NOVA1: variants seen among roughly 807,000 people sequenced by gnomAD.
NOVA1 encodes the protein NOVA alternative splicing regulator 1, also known as RNA-binding protein Nova-1.
Under a neutral mutation model 38.0 loss-of-function variants are expected in NOVA1, and 7 were observed. The ratio of observed to expected loss-of-function variants is 0.18; its 90% CI spans 0.10 to 0.35. NOVA1 has a LOEUF of 0.35. Ranked by LOEUF, NOVA1 falls within the 10% of genes least tolerant of loss-of-function variation. The pLI is 1.00. For missense variants in NOVA1, 460 were observed against 616.0 expected (o/e 0.75, Z 2.68); for synonymous variants, 270 against 232.5 (o/e 1.16, Z -1.47).
rs1213545640 is a variant in NOVA1 at position 26,598,018 on chromosome 14, C to T, written c.-582G>A. ...GCTGCTGGTGCTGCCGCCGCCGCCG[C>T]TGCCGGAGCGGTTCTGCCGTTGCCT... On this transcript the variant is annotated 5_prime_UTR_variant, in exon 1 of 5. Coordinates refer to ENST00000539517, the MANE Select transcript of NOVA1 (RefSeq NM_002515.3). Among the ~76,000 whole-genome samples, 2 of 150,036 alleles carry T rather than the reference C, an allele frequency of 1.3e-5. No homozygotes were observed. Among genetic ancestry groups the T allele is most frequent in the East Asian group, 4.1e-4 (2 of 4,932 alleles).
chr14:26,466,226 A>C (rs533521790), intron 4 of NOVA1, among the ~76,000 whole-genome samples: 1 of 152,228 alleles, frequency 6.6e-6, no homozygotes, highest in African/African-American at 2.4e-5. Context: ...CAGGAAATAA[A>C]GAGATTATGT....
At chr14:26,528,495 G>T (rs1889458691) in intron 2 of NOVA1, among the ~76,000 whole-genome samples, 2 of 152,184 alleles carry the variant, frequency 1.3e-5, no homozygotes, top group South Asian at 4.1e-4. Flanking sequence ...AATTGCTGCA[G>T]GGACTGATCA....
At chr14:26,564,256 G>A (rs1402936570) in intron 2 of NOVA1, among the ~76,000 whole-genome samples, 6 of 152,278 alleles carry the variant, frequency 3.9e-5, no homozygotes, top group Admixed American at 3.9e-4. Flanking sequence ...CTTCAGATTT[G>A]ATGAACTTGT....
At chr14:26,530,151 C>T (rs1047859827) in intron 2 of NOVA1, among the ~76,000 whole-genome samples, 2 of 152,282 alleles carry the variant, frequency 1.3e-5, no homozygotes, top group Admixed American at 6.5e-5. Flanking sequence ...ATCTCCTGAC[C>T]TCATGATCCG....
At chr14:26,562,335 T>C (rs1202092615) in intron 2 of NOVA1, among the ~76,000 whole-genome samples, 3 of 152,186 alleles carry the variant, frequency 2.0e-5, no homozygotes, top group African/African-American at 4.8e-5. Context: ...ATGCGTTTAA[T>C]GGGATTGGTT....
intron 4 of NOVA1, among the ~76,000 whole-genome samples, chr14:26,454,183 A>G (rs1369357983): frequency 6.6e-6 from 1 of 152,152 alleles, no homozygotes; most frequent in Non-Finnish European, 1.5e-5. Flanking sequence ...AAAAACAGAA[A>G]AGTTTTAAGA....
At chr14:26,491,594 T>C (rs1307695861) in intron 2 of NOVA1, among the ~76,000 whole-genome samples, 1 of 152,166 alleles carries the variant, frequency 6.6e-6, no homozygotes, top group East Asian at 1.9e-4. Flanking sequence ...ATTTAGGTTG[T>C]TGATCTATTT....
intron 2 of NOVA1, among the ~76,000 whole-genome samples, chr14:26,506,959 TTTTA>T (rs1336257072): frequency 2.0e-5 from 3 of 152,208 alleles, no homozygotes; most frequent in Non-Finnish European, 4.4e-5. Flanking sequence ...TCCAGAATGA[TTTTA>T]TTTAATCATT....
chr14:26,561,143 GGCGGA>G (rs1235686441), intron 2 of NOVA1, among the ~76,000 whole-genome samples: 2 of 152,130 alleles, frequency 1.3e-5, no homozygotes, highest in African/African-American at 4.8e-5. Flanking sequence ...TCTGACAGGA[GGCGGA>G]GCTCAGGTGG....
At chr14:26,506,315 T>G (rs178188) in intron 2 of NOVA1, among the ~76,000 whole-genome samples, 96,274 of 152,092 alleles carry the variant, frequency 0.63, 33,028 homozygotes, top group Non-Finnish European at 0.75. Flanking sequence ...TACTCCAGCA[T>G]ACCTTAGTGG....
At chr14:26,576,981 T>A (rs76167347) in intron 2 of NOVA1, among the ~76,000 whole-genome samples, 1 of 151,904 alleles carries the variant, frequency 6.6e-6, no homozygotes, top group Non-Finnish European at 1.5e-5. Flanking sequence ...CATAGCTGCA[T>A]GTTTGTACCT....
chr14:26,519,331 A>C (rs906443194), intron 2 of NOVA1: 3 of 152,178 alleles, frequency 2.0e-5, no homozygotes, highest in African/African-American at 7.2e-5. Context: ...AGCAATGGGA[A>C]AGGTGAGTAT....
intron 2 of NOVA1, among the ~76,000 whole-genome samples, chr14:26,484,304 C>T (rs951740974): frequency 5.9e-5 from 9 of 151,344 alleles, no homozygotes; most frequent in African/African-American, 1.5e-4. Context: ...GGCATGGTGG[C>T]GGGCACCTGT....
chr14:26,491,016 A>C (rs1275108993), intron 2 of NOVA1, among the ~76,000 whole-genome samples: 1 of 151,256 alleles, frequency 6.6e-6, no homozygotes, highest in Non-Finnish European at 1.5e-5. Flanking sequence ...CGCCCGGATA[A>C]TTTTTTTGTA....
At chr14:26,450,546 T>G (rs1882582525) in intron 4 of NOVA1, among the ~76,000 whole-genome samples, 1 of 152,184 alleles carries the variant, frequency 6.6e-6, no homozygotes, top group African/African-American at 2.4e-5. Flanking sequence ...AGAAATAGTC[T>G]AAGTTTTCTT....
At chr14:26,487,530 A>G (rs1886012827) in intron 2 of NOVA1, among the ~76,000 whole-genome samples, 1 of 152,116 alleles carries the variant, frequency 6.6e-6, no homozygotes, top group African/African-American at 2.4e-5. Context: ...TCTCCAACTT[A>G]CATGTATGGA....
chr14:26,523,487 T>C (rs144583495), intron 2 of NOVA1, among the ~76,000 whole-genome samples: 1 of 152,180 alleles, frequency 6.6e-6, no homozygotes, highest in Non-Finnish European at 1.5e-5. Flanking sequence ...TAAGTACAAT[T>C]CCATGGTATG....
chr14:26,597,136 AG>A, intron 1 of NOVA1, 164 bp downstream of exon 1: 1 of 706,560 alleles, frequency 1.4e-6, no homozygotes, highest in Non-Finnish European at 1.9e-6. Context: ...GGGCAGGTGC[AG>A]GGGAGGGGGC....
intron 2 of NOVA1, among the ~76,000 whole-genome samples, chr14:26,513,582 T>G (rs1888250779): frequency 6.6e-6 from 1 of 151,632 alleles, no homozygotes; most frequent in Non-Finnish European, 1.5e-5. Context: ...AATGAATGAA[T>G]ATAAAATAAA....
Sources: allele counts gnomAD v4.1 joint callset (sites outside exome capture counted in the v4.1 genomes callset), GRCh38; gene constraint gnomAD v4.1.1; transcripts MANE v1.5; gene names NCBI Gene and HGNC (gene_info 2026-07-23, HGNC 2026-07-21).